SLC4A4: variants seen among roughly 807,000 people sequenced by gnomAD.
SLC4A4 encodes the protein solute carrier family 4 member 4.
A neutral mutation model predicts 111.5 loss-of-function variants in SLC4A4; 27 were observed. That is an observed-to-expected ratio of 0.24 (90% CI 0.18 to 0.33). SLC4A4 has a LOEUF of 0.33. Among genes scored for constraint, SLC4A4 ranks in the 10% least tolerant of loss-of-function variants. SLC4A4 has a pLI of 1.00. For missense variants in SLC4A4, 909 were observed against 1,315.5 expected (o/e 0.69, Z 4.78); for synonymous variants, 443 against 463.4 (o/e 0.96, Z 0.57).
At chr4:71,400,083 T>C (rs2148983436) in intron 7 of SLC4A4, among the ~76,000 whole-genome samples, 1 of 152,336 alleles carries the variant, frequency 6.6e-6, no homozygotes, top group South Asian at 2.1e-4. Context: ...GTCTTAATAC[T>C]GGTTAAGGCA....
chr4:71,557,582 C>A, intron 21 of SLC4A4, 130 bp from the exon 22 acceptor site: 1 of 861,200 alleles, frequency 1.2e-6, no homozygotes, highest in Non-Finnish European at 1.9e-6. Flanking sequence ...CATTCCTTGA[C>A]CATTCCTTTG....
intron 6 of SLC4A4, among the ~76,000 whole-genome samples, chr4:71,359,073 G>T (rs138918284): frequency 6.6e-6 from 1 of 152,336 alleles, no homozygotes; most frequent in East Asian, 1.9e-4. Context: ...CCATGGAACT[G>T]CAGGCAGAGT....
At chr4:71,409,590 G>T (rs1721176660) in intron 7 of SLC4A4, among the ~76,000 whole-genome samples, 1 of 152,194 alleles carries the variant, frequency 6.6e-6, no homozygotes, top group Non-Finnish European at 1.5e-5. Flanking sequence ...AAAGCATTCT[G>T]TTTTAGAAGG....
chr4:71,546,303 C>T (rs761968061), intron 18 of SLC4A4, 47 bp from the exon 19 acceptor site: 33 of 1,501,258 alleles, frequency 2.2e-5, no homozygotes, highest in Non-Finnish European at 3.0e-5. Flanking sequence ...GACTAGATAG[C>T]GAATATGAGT....
intron 3 of SLC4A4, among the ~76,000 whole-genome samples, chr4:71,266,530 C>G (rs1291433467): frequency 1.3e-5 from 2 of 152,280 alleles, no homozygotes; most frequent in African/African-American, 4.8e-5. Context: ...AAAATATTTT[C>G]TCAGCACTTT....
At chr4:71,064,465 T>G (rs1741464097) in intron 1 of SLC4A4, among the ~76,000 whole-genome samples, 1 of 152,174 alleles carries the variant, frequency 6.6e-6, no homozygotes, top group African/African-American at 2.4e-5. Flanking sequence ...AATAACTGGT[T>G]TTGGTGAATT....
intron 3 of SLC4A4, among the ~76,000 whole-genome samples, chr4:71,261,421 G>T (rs1688003980): frequency 6.6e-6 from 1 of 152,150 alleles, no homozygotes; most frequent in African/African-American, 2.4e-5. Flanking sequence ...AATTAATCTG[G>T]TTAAGAAGGG....
rs145609923 is a variant in SLC4A4 at position 71,284,039 on chromosome 4, C to T, written c.253+28640C>T. ...CTAAACTTCTATGGGAAACAACCCA[C>T]GGTGATAAGGGTAGTAAGAGTAATG... On this transcript the variant is annotated intron_variant, in intron 3 of 25. Transcript: ENST00000264485. 5.3e-3 allele frequency among the ~76,000 whole-genome samples: 800 copies of T among 152,220 alleles called. 4 individuals carry two copies. Among genetic ancestry groups the T allele is most frequent in the Non-Finnish European group, 9.3e-3 (632 of 68,010 alleles).
rs1010086312 is a variant in SLC4A4 at position 71,451,317 on chromosome 4, C to T, written c.1322+16C>T. 4.0e-6 allele frequency: 6 copies of T among 1,481,756 alleles called. No homozygotes were observed. The African/African-American group carries it at 4.1e-5, about 10-fold the overall frequency. 91.8% of individuals were successfully genotyped at this position (1,481,756 alleles called of 1,614,324 possible). A position where few individuals can be genotyped will look rare whatever the true frequency, so the allele number is the denominator to read the frequency against. On this transcript the variant is annotated intron_variant, in intron 11 of 25. Transcript: ENST00000264485. ...GAACTGGACGGTAACTGACAGTTTC[C>T]TTTGCCATTCATGATGAGGTTCTCC...
At chr4:71,236,897 A>G (rs541784862) in intron 2 of SLC4A4, among the ~76,000 whole-genome samples, 34 of 152,348 alleles carry the variant, frequency 2.2e-4, no homozygotes, top group African/African-American at 8.2e-4. Context: ...GTAAGTGCCT[A>G]TGTTAGCTGT....
chr4:71,397,690 G>A, intron 7 of SLC4A4, 37 bp downstream of exon 7: 1 of 1,525,798 alleles, frequency 6.6e-7, no homozygotes, highest in East Asian at 2.3e-5. Context: ...AAATGTAAGA[G>A]AACGTATATC....
intron 6 of SLC4A4, among the ~76,000 whole-genome samples, chr4:71,397,297 A>T (rs1579005977): frequency 6.6e-6 from 1 of 152,218 alleles, no homozygotes; most frequent in Non-Finnish European, 1.5e-5. Flanking sequence ...TTTTATTTTT[A>T]TGCTTATTGT....
intron 1 of SLC4A4, among the ~76,000 whole-genome samples, chr4:71,229,583 C>A (rs1418681948): frequency 1.3e-5 from 2 of 152,116 alleles, no homozygotes; most frequent in South Asian, 2.1e-4. Flanking sequence ...AATTTCCAGG[C>A]TGATTAGGGT....
At chr4:71,338,012 T>C (rs1055397845) in intron 3 of SLC4A4, among the ~76,000 whole-genome samples, 1 of 151,932 alleles carries the variant, frequency 6.6e-6, no homozygotes, top group East Asian at 1.9e-4. Flanking sequence ...TGTATTTTTT[T>C]AGTAGAAACA....
intron 12 of SLC4A4, among the ~76,000 whole-genome samples, chr4:71,466,165 C>T (rs1183698134): frequency 6.6e-6 from 1 of 152,074 alleles, no homozygotes; most frequent in African/African-American, 2.4e-5. Flanking sequence ...AGGATCGGAG[C>T]CACCTTTTGC....
chr4:71,186,877 A>C (rs995915752), upstream of SLC4A4: 3 of 152,272 alleles, frequency 2.0e-5, no homozygotes, highest in African/African-American at 4.8e-5. Flanking sequence ...CAGGAACATC[A>C]GAGATCCCCA....
chr4:71,463,842 G>A (rs932714227), intron 12 of SLC4A4, among the ~76,000 whole-genome samples: 1 of 152,152 alleles, frequency 6.6e-6, no homozygotes, highest in Non-Finnish European at 1.5e-5. Flanking sequence ...AGAAGACCCT[G>A]TTCTTATCCT....
intron 16 of SLC4A4, among the ~76,000 whole-genome samples, chr4:71,512,438 G>A (rs1238589673): frequency 3.9e-5 from 6 of 152,188 alleles, no homozygotes; most frequent in African/African-American, 1.4e-4. Flanking sequence ...CTGTTACTGT[G>A]TCTTCTTTTG....
intron 1 of SLC4A4, among the ~76,000 whole-genome samples, chr4:71,063,163 G>A (rs1260524449): frequency 6.6e-6 from 1 of 152,092 alleles, no homozygotes; most frequent in Non-Finnish European, 1.5e-5. Context: ...ATAGAGAAAT[G>A]GAATTTTCTA....
Sources: allele counts gnomAD v4.1 joint callset (sites outside exome capture counted in the v4.1 genomes callset), GRCh38; gene constraint gnomAD v4.1.1; transcripts MANE v1.5; gene names NCBI Gene and HGNC (gene_info 2026-07-23, HGNC 2026-07-21).